LSAMP: variants seen among roughly 807,000 people sequenced by gnomAD.
The protein encoded by LSAMP is limbic system associated membrane protein.
Under a neutral mutation model 38.6 loss-of-function variants are expected in LSAMP, and 7 were observed. The observed-to-expected ratio is 0.18, with a 90% CI of 0.10 to 0.34. LSAMP has a LOEUF of 0.34. LSAMP is among the 10% of genes least tolerant of loss of function. The pLI, the probability that LSAMP is intolerant of heterozygous loss-of-function variation, is 1.00. For synonymous variants in LSAMP, 154 were observed against 166.8 expected (o/e 0.92, Z 0.59); for missense variants, 313 against 420.0 (o/e 0.75, Z 2.23).
intron 1 of LSAMP, among the ~76,000 whole-genome samples, chr3:116,278,620 A>G (rs1488882033): frequency 2.6e-5 from 4 of 152,322 alleles, no homozygotes; most frequent in African/African-American, 9.6e-5. Flanking sequence ...CCATTGTGAC[A>G]TAACTGTGGC....
At chr3:116,410,028 G>A (rs985042025) in intron 1 of LSAMP, among the ~76,000 whole-genome samples, 2 of 152,032 alleles carry the variant, frequency 1.3e-5, no homozygotes, top group Non-Finnish European at 1.5e-5. Context: ...TGTTTTGTTT[G>A]TTTGTTTCAA....
Position 116,343,585 on chromosome 3 carries a change from C to A in LSAMP, c.155+101292G>T, listed in dbSNP as rs577929841. ...TGCATCATGCCATGTATAAGATGGT[C>A]TGTACTGCTGGCCACAGGCAATCTT... On this transcript the variant is annotated intron_variant, in intron 1 of 6. Coordinates refer to ENST00000490035, the MANE Select transcript of LSAMP (RefSeq NM_002338.5). Among the ~76,000 whole-genome samples, 235 of 152,220 alleles carry A rather than the reference C, an allele frequency of 1.5e-3. 3 individuals are homozygous for A. The highest frequency in any genetic ancestry group is 5.5e-3 in the African/African-American group (227 of 41,540).
chr3:116,183,130 G>A (rs1710526958), intron 1 of LSAMP, among the ~76,000 whole-genome samples: 1 of 151,748 alleles, frequency 6.6e-6, no homozygotes, highest in African/African-American at 2.4e-5. Flanking sequence ...ATCCATATGT[G>A]ACCTCTAGAG....
intron 3 of LSAMP, among the ~76,000 whole-genome samples, chr3:115,943,274 T>C (rs1576241431): frequency 6.6e-6 from 1 of 152,126 alleles, no homozygotes; most frequent in East Asian, 1.9e-4. Context: ...TCTATTCTCA[T>C]GTCTCCTGAT....
intron 1 of LSAMP, among the ~76,000 whole-genome samples, chr3:116,421,600 T>C (rs1207489208): frequency 1.3e-5 from 2 of 149,778 alleles, no homozygotes; most frequent in Non-Finnish European, 3.0e-5. Flanking sequence ...AGGAACAAAA[T>C]TCTCAATCAA....
At chr3:115,827,235 A>C (rs1934447505) in intron 6 of LSAMP, among the ~76,000 whole-genome samples, 1 of 152,184 alleles carries the variant, frequency 6.6e-6, no homozygotes, top group South Asian at 2.1e-4. Context: ...GCAAGTTTCC[A>C]ACATAAAACA....
At chr3:116,413,496 T>C (rs2049007092) in intron 1 of LSAMP, among the ~76,000 whole-genome samples, 2 of 152,028 alleles carry the variant, frequency 1.3e-5, no homozygotes, top group Non-Finnish European at 2.9e-5. Flanking sequence ...TTTGTGTGCC[T>C]TCTACTTGCT....
intron 1 of LSAMP, among the ~76,000 whole-genome samples, chr3:116,291,326 C>A (rs369111967): frequency 1.3e-5 from 2 of 152,058 alleles, no homozygotes; most frequent in African/African-American, 2.4e-5. Context: ...TATGGGCAGA[C>A]GATGTTGAAT....
chr3:115,951,639 C>G (rs943188131), intron 3 of LSAMP, among the ~76,000 whole-genome samples: 2 of 152,278 alleles, frequency 1.3e-5, no homozygotes, highest in African/African-American at 4.8e-5. Flanking sequence ...AGAATAAAAG[C>G]AGGCAGAGGA....
At chr3:115,923,310 G>A (rs1180470704) in intron 3 of LSAMP, among the ~76,000 whole-genome samples, 1 of 152,170 alleles carries the variant, frequency 6.6e-6, no homozygotes. Flanking sequence ...TCTTCTGGGG[G>A]TTCTGAGTTG....
chr3:115,852,518 G>A lies in LSAMP; in HGVS notation c.614C>T (p.Ser205Leu), dbSNP rs369259913. ...GACCTTGACTTGTTTGACATCCGCC[G>A]AGGAGACCTCGTTGGCAGCTTTGCA... Reference protein sequence around the residue: ...YECKAANEVSSADVKQVKVTV... With the variant: ...YECKAANEVSLADVKQVKVTV... The change falls in exon 4 of 7, where the codon TCG becomes TTG. Residue 205 changes from serine to leucine, a missense_variant. By Grantham distance (145) the Ser-to-Leu change is moderately radical. Transcript: ENST00000490035. 2.5e-5 allele frequency: 41 copies of A among 1,613,428 alleles called. No homozygotes were observed. The highest frequency in any genetic ancestry group is 1.3e-4 in the African/African-American group (10 of 74,986).
At chr3:115,853,797 G>C (rs997947279) in intron 3 of LSAMP, among the ~76,000 whole-genome samples, 1 of 152,178 alleles carries the variant, frequency 6.6e-6, no homozygotes, top group Non-Finnish European at 1.5e-5. Context: ...AGTTAGGATA[G>C]AGCAGCTGGG....
chr3:116,270,494 G>A (rs1490753047), intron 1 of LSAMP, among the ~76,000 whole-genome samples: 1 of 152,112 alleles, frequency 6.6e-6, no homozygotes, highest in African/African-American at 2.4e-5. Context: ...TACCAAAGAT[G>A]GGTCTGAGGC....
At chr3:116,168,676 C>T (rs1710121165) in intron 1 of LSAMP, among the ~76,000 whole-genome samples, 1 of 152,154 alleles carries the variant, frequency 6.6e-6, no homozygotes, top group Non-Finnish European at 1.5e-5. Flanking sequence ...TGACAGGGTG[C>T]AGGGCAGCCT....
At chr3:116,413,481 G>A (rs879572293) in intron 1 of LSAMP, among the ~76,000 whole-genome samples, 23 of 151,874 alleles carry the variant, frequency 1.5e-4, no homozygotes, top group African/African-American at 2.4e-4. Flanking sequence ...GGCTCTCCCC[G>A]TATGTTTGTG....
chr3:116,310,914 GTT>G (rs35763101), intron 1 of LSAMP, among the ~76,000 whole-genome samples: 10 of 28,588 alleles, frequency 3.5e-4, no homozygotes, highest in African/African-American at 3.9e-4. Flanking sequence ...ATGATAAGTT[GTT>G]TTTTTTTTTT....
intron 6 of LSAMP, among the ~76,000 whole-genome samples, chr3:115,820,421 G>A (rs1934193732): frequency 1.3e-5 from 2 of 152,174 alleles, no homozygotes; most frequent in African/African-American, 4.8e-5. Flanking sequence ...AATGTACTAG[G>A]CTTTCTGGAG....
intron 1 of LSAMP, among the ~76,000 whole-genome samples, chr3:116,099,193 C>T (rs1017658557): frequency 5.3e-5 from 8 of 152,160 alleles, no homozygotes; most frequent in African/African-American, 1.4e-4. Context: ...CTGAATTCTA[C>T]GAAGAGCCCT....
chr3:116,225,426 A>C (rs1387284430), intron 1 of LSAMP, among the ~76,000 whole-genome samples: 2 of 152,166 alleles, frequency 1.3e-5, no homozygotes, highest in Non-Finnish European at 2.9e-5. Context: ...TCATTGCCAC[A>C]CCTTGACTGT....
Sources: allele counts gnomAD v4.1 joint callset (sites outside exome capture counted in the v4.1 genomes callset), GRCh38; gene constraint gnomAD v4.1.1; transcripts MANE v1.5; gene names NCBI Gene and HGNC (gene_info 2026-07-23, HGNC 2026-07-21).